Variants in SULT6B1 observed in about 807,000 individuals in gnomAD.
SULT6B1 encodes the protein sulfotransferase family 6B member 1.
Under a neutral mutation model 37.2 loss-of-function variants are expected in SULT6B1, and 44 were observed. The observed-to-expected ratio is 1.18, with a 90% CI of 0.93 to 1.52. SULT6B1 has a LOEUF of 1.52. Ranked by LOEUF, SULT6B1 falls within the 40% of genes most tolerant of loss-of-function variation. The pLI is 0.00. For missense variants in SULT6B1, 450 were observed against 361.0 expected (o/e 1.25, Z -2.00); for synonymous variants, 140 against 126.0 (o/e 1.11, Z -0.74).
At chr2:37,177,411 C>CAAAAAAAAAAAAA (rs57205863) in intron 4 of SULT6B1, among the ~76,000 whole-genome samples, 1 of 76,294 alleles carries the variant, frequency 1.3e-5, no homozygotes, top group Non-Finnish European at 2.4e-5. Flanking sequence ...AATCTTGTCT[C>CAAAAAAAAAAAAA]AAAAAAAAAA....
intron 6 of SULT6B1, 88 bp from the exon 7 acceptor site, chr2:37,168,153 A>T: frequency 1.6e-6 from 2 of 1,286,940 alleles, no homozygotes; most frequent in Non-Finnish European, 1.0e-6. Flanking sequence ...TTTCACTCTG[A>T]TATGTTAAAA....
In SULT6B1 at chr2:37,177,424, A is replaced by G. The variant is rs1463899951; in HGVS notation, c.529+2034T>C. 2.0e-5 allele frequency among the ~76,000 whole-genome samples: 3 copies of G among 147,602 alleles called. No homozygotes were observed. In the East Asian group the frequency reaches 6.4e-4, roughly 31 times the overall value. ...GAAATCTTGTCTCAAAAAAAAAAAA[A>G]AAAAAAAAAGAAAGAAAGAAAAAAA... On this transcript the variant is annotated intron_variant, in intron 4 of 6. Transcript: ENST00000535679.
Position 37,175,198 on chromosome 2 carries a change from T to C in SULT6B1, c.558A>G (p.Ala186=). The part of the protein sequence containing the change: ...QVSWGRYFDF[A]INWNKHLDGD... ...CATCAAGATGTTTGTTCCAATTGAT[T>C]GCAAAATCAAAATACCTTCCCCAAG... The change falls in exon 5 of 7, where the codon GCA becomes GCG. Residue 186 remains alanine, a synonymous_variant. Transcript: ENST00000535679. 1 of 1,592,084 alleles carries C rather than the reference T, an allele frequency of 6.3e-7. No individual in the cohort carries two copies.
intron 6 of SULT6B1, among the ~76,000 whole-genome samples, chr2:37,170,408 C>G (rs1048415276): frequency 6.6e-6 from 1 of 151,558 alleles, no homozygotes; most frequent in Non-Finnish European, 1.5e-5. Context: ...CGGAGGTTGC[C>G]GTGAGCCGAG....
Position 37,167,897 on chromosome 2 carries a change from T to G in SULT6B1, c.*38A>C. 2 of 1,510,668 alleles carry G rather than the reference T, an allele frequency of 1.3e-6. No homozygotes were observed. The allele number at this position is 1,510,668 out of a possible 1,614,324, so 93.6% of individuals were successfully genotyped here. A position where few individuals can be genotyped will look rare whatever the true frequency, so the allele number is the denominator to read the frequency against. On this transcript the variant is annotated 3_prime_UTR_variant, in exon 7 of 7. Coordinates refer to ENST00000535679, the MANE Select transcript of SULT6B1 (RefSeq NM_001367551.1). ...TTAATTATTTACACTTAATTATTATTAAGGAAAATAAATCTAGGCCTGCTG... is the reference window on the plus strand; with the variant it reads ...TTAATTATTTACACTTAATTATTATGAAGGAAAATAAATCTAGGCCTGCTG...
chr2:37,178,708 T>C (rs1676483907), intron 4 of SULT6B1, among the ~76,000 whole-genome samples: 1 of 152,240 alleles, frequency 6.6e-6, no homozygotes, highest in Non-Finnish European at 1.5e-5. Context: ...TATCAACATG[T>C]TTAACAAAAA....
intron 2 of SULT6B1, among the ~76,000 whole-genome samples, chr2:37,185,870 A>G (rs1445699777): frequency 6.6e-6 from 1 of 152,018 alleles, no homozygotes; most frequent in Non-Finnish European, 1.5e-5. Context: ...TTTATTTCCT[A>G]CCTAGGTCAA....
upstream of SULT6B1, chr2:37,191,284 T>A (rs1183867211): frequency 1.3e-5 from 2 of 149,878 alleles, no homozygotes; most frequent in East Asian, 2.0e-4. Flanking sequence ...AAAAAAAATC[T>A]TATTTTCTGA....
chr2:37,189,106 G>A (rs116692398), upstream of SULT6B1, among the ~76,000 whole-genome samples: 2,720 of 152,226 alleles, frequency 0.018, 46 homozygotes, highest in African/African-American at 0.048. Flanking sequence ...AAAGAGACCA[G>A]ATTTGGGGGC....
At chr2:37,184,242 C>A (rs1676622331) in intron 2 of SULT6B1, among the ~76,000 whole-genome samples, 1 of 152,156 alleles carries the variant, frequency 6.6e-6, no homozygotes, top group South Asian at 2.1e-4. Context: ...TTTTTAACAT[C>A]TAAATCTTTC....
chr2:37,180,653 G>A (rs888011617), intron 3 of SULT6B1, among the ~76,000 whole-genome samples: 8 of 152,176 alleles, frequency 5.3e-5, no homozygotes, highest in Non-Finnish European at 1.2e-4. Flanking sequence ...TGAGGCTGAG[G>A]CGGCTGGATC....
chr2:37,183,011 G>T (rs1284915728), intron 3 of SULT6B1, among the ~76,000 whole-genome samples: 1 of 152,090 alleles, frequency 6.6e-6, no homozygotes, highest in Non-Finnish European at 1.5e-5. Context: ...ATAGTGAGAT[G>T]CTGTCTCTAT....
chr2:37,168,957 C>G (rs1258540371), intron 6 of SULT6B1, among the ~76,000 whole-genome samples: 1 of 152,014 alleles, frequency 6.6e-6, no homozygotes, highest in Non-Finnish European at 1.5e-5. Flanking sequence ...AAAGAAAACA[C>G]AAAACTGTTT....
At chr2:37,185,883 C>A (rs966687384) in intron 2 of SULT6B1, among the ~76,000 whole-genome samples, 1 of 152,108 alleles carries the variant, frequency 6.6e-6, no homozygotes, top group South Asian at 2.1e-4. Flanking sequence ...TAGGTCAAAG[C>A]TTCTTACTGC....
At chr2:37,188,999 G>GA (rs1676731409), upstream of SULT6B1, among the ~76,000 whole-genome samples, 9 of 152,214 alleles carry the variant, frequency 5.9e-5, no homozygotes, top group African/African-American at 2.2e-4. Flanking sequence ...TTCACAGAAT[G>GA]AAACCTCAGT....
chr2:37,188,892 A>G (rs1676729213), upstream of SULT6B1, among the ~76,000 whole-genome samples: 1 of 152,230 alleles, frequency 6.6e-6, no homozygotes, highest in Non-Finnish European at 1.5e-5. Context: ...CAACCTGCCC[A>G]ATGAAAGTAA....
chr2:37,172,476 A>G (rs552771441), intron 5 of SULT6B1, among the ~76,000 whole-genome samples: 1 of 152,270 alleles, frequency 6.6e-6, no homozygotes, highest in South Asian at 2.1e-4. Flanking sequence ...TATTATATAC[A>G]TGCATCCTAT....
At chr2:37,193,597 A>AAGAAGAAG (rs1553345837), upstream of SULT6B1, among the ~76,000 whole-genome samples, 17 of 113,796 alleles carry the variant, frequency 1.5e-4, no homozygotes, top group African/African-American at 3.8e-4. Context: ...AGAAGAAGAA[A>AAGAAGAAG]AAGAAGAAGA....
intron 3 of SULT6B1, among the ~76,000 whole-genome samples, 180 bp from the exon 4 acceptor site, chr2:37,179,764 G>A (rs1019690438): frequency 6.6e-6 from 1 of 152,094 alleles, no homozygotes; most frequent in Admixed American, 6.6e-5. Flanking sequence ...TCTGGGGAAA[G>A]GAGAGAAAGA....
Sources: allele counts gnomAD v4.1 joint callset (sites outside exome capture counted in the v4.1 genomes callset), GRCh38; gene constraint gnomAD v4.1.1; transcripts MANE v1.5; gene names NCBI Gene and HGNC (gene_info 2026-07-23, HGNC 2026-07-21).